The following FER variants were observed in gnomAD, a reference collection of about 807,000 sequenced individuals.
FER encodes FER tyrosine kinase.
In FER, 63 loss-of-function variants were observed where a neutral mutation model predicts 111.0. That is an observed-to-expected ratio of 0.57 (90% CI 0.46 to 0.70). The LOEUF (loss-of-function observed/expected upper bound fraction) is 0.70, where lower values mean the gene tolerates loss of function less well. FER is among the 30% of genes least tolerant of loss of function. FER has a pLI of 0.00. For synonymous variants in FER, 327 were observed against 313.9 expected, an observed-to-expected ratio of 1.04 and a Z score of -0.44; for missense variants, 914 against 954.0, an observed-to-expected ratio of 0.96 and a Z score of 0.55.
intron 13 of FER, among the ~76,000 whole-genome samples, chr5:108,963,480 T>C (rs1378454974): frequency 1.3e-5 from 2 of 152,042 alleles, no homozygotes; most frequent in African/African-American, 4.8e-5. Context: ...GAGAATCACT[T>C]GAATCTGGGA....
At chr5:109,052,547 A>G (rs1453185545) in intron 16 of FER, 1 of 672,576 alleles carries the variant, frequency 1.5e-6, no homozygotes, top group Admixed American at 2.4e-5. Flanking sequence ...TGAAAAGGCA[A>G]ATTCAGGCAC....
At chr5:109,118,946 A>G (rs571548706) in intron 17 of FER, among the ~76,000 whole-genome samples, 1 of 150,856 alleles carries the variant, frequency 6.6e-6, no homozygotes, top group Non-Finnish European at 1.5e-5. Flanking sequence ...ATCTTTTGAA[A>G]AAAAAAAACC....
chr5:109,125,041 G>A (rs144687008), intron 17 of FER, among the ~76,000 whole-genome samples: 1,066 of 105,868 alleles, frequency 0.01, 23 homozygotes, highest in African/African-American at 0.038. Flanking sequence ...GTGAGACTCT[G>A]TCTCAAAAAA....
intron 13 of FER, among the ~76,000 whole-genome samples, chr5:109,017,397 G>C (rs764915735): frequency 2.8e-4 from 42 of 151,882 alleles, no homozygotes; most frequent in Non-Finnish European, 4.7e-4. Context: ...AATTGCTTTG[G>C]ATTGTTTTGA....
intron 13 of FER, among the ~76,000 whole-genome samples, chr5:109,021,120 C>T (rs913683707): frequency 6.6e-6 from 1 of 152,094 alleles, no homozygotes; most frequent in Non-Finnish European, 1.5e-5. Flanking sequence ...TGCACACCCA[C>T]CTCATGATCA....
chr5:108,752,496 A>G (rs1174212590), intron 1 of FER, among the ~76,000 whole-genome samples: 4 of 152,044 alleles, frequency 2.6e-5, no homozygotes, highest in African/African-American at 4.8e-5. Context: ...GAGGGCTCCT[A>G]GATCTGGGGG....
intron 17 of FER, among the ~76,000 whole-genome samples, chr5:109,143,779 A>G (rs1018417485): frequency 2.0e-5 from 3 of 151,376 alleles, no homozygotes; most frequent in African/African-American, 2.4e-5. Context: ...GGCTCAAGCT[A>G]TCCTCCCACT....
chr5:109,161,930 GTTAC>G (rs1330086410), intron 17 of FER, among the ~76,000 whole-genome samples: 2 of 152,094 alleles, frequency 1.3e-5, no homozygotes, highest in African/African-American at 2.4e-5. Context: ...ACTAGCATCT[GTTAC>G]TTACTTTTTA....
In FER at chr5:109,000,528, T is replaced by C. The variant is rs146607864; in HGVS notation, c.1657-36894T>C. On this transcript the variant is annotated intron_variant, in intron 13 of 19. Coordinates refer to ENST00000281092, the MANE Select transcript of FER (RefSeq NM_005246.4). The stretch of plus-strand genomic sequence containing the variant: ...AGGGTGTAGAGGGAAATTTATAGCA[T>C]GAAATGCCCACAAGAGAAAGCAGGA... Among the ~76,000 whole-genome samples the C allele has an allele frequency of 5.2e-3, 795 of 151,924 alleles. 9 individuals carry two copies. Among genetic ancestry groups the C allele is most frequent in the African/African-American group, 0.018 (757 of 41,452 alleles).
chr5:108,931,581 C>A (rs1412435776), intron 10 of FER, among the ~76,000 whole-genome samples: 1 of 152,068 alleles, frequency 6.6e-6, no homozygotes, highest in Non-Finnish European at 1.5e-5. Context: ...TGGCTCTTTT[C>A]TTGAGATGTG....
Position 109,190,140 on chromosome 5 carries a change from A to C in FER, c.*2565A>C, listed in dbSNP as rs771795924. On this transcript the variant is annotated 3_prime_UTR_variant, in exon 20 of 20. Transcript: ENST00000281092. ...AATTTATTCATCCCTTCTGTCACTG[A>C]TAATTAATTATTGGAATTATATACT... 2 of 152,168 alleles carry C rather than the reference A, an allele frequency of 1.3e-5. No individual in the cohort carries two copies. Among genetic ancestry groups the C allele is most frequent in the Admixed American group, 1.3e-4 (2 of 15,270 alleles). 9.4% of individuals were successfully genotyped at this position (152,168 alleles called of 1,614,324 possible).
At chr5:109,136,130 C>T (rs1582196089) in intron 17 of FER, among the ~76,000 whole-genome samples, 1 of 151,824 alleles carries the variant, frequency 6.6e-6, no homozygotes, top group Non-Finnish European at 1.5e-5. Flanking sequence ...GTGGCACTCA[C>T]CTGTAATCCC....
rs1439629518 is a variant in FER, at chr5:109,187,623, G to A, written c.*48G>A. The A allele has an allele frequency of 6.2e-7, 1 of 1,604,274 alleles. No individual in the cohort carries two copies. The highest frequency in any genetic ancestry group is 1.7e-5 in the Admixed American group (1 of 58,950). On this transcript the variant is annotated 3_prime_UTR_variant, in exon 20 of 20. Transcript: ENST00000281092. ...GCCTTCAGGACTCTGTCCTCCAGCAGAGTAACATTATTGTTCTCATTAACA... is the reference window on the plus strand; with the variant it reads ...GCCTTCAGGACTCTGTCCTCCAGCAAAGTAACATTATTGTTCTCATTAACA...
At chr5:108,975,740 T>A (rs866557334) in intron 13 of FER, among the ~76,000 whole-genome samples, 50 of 152,124 alleles carry the variant, frequency 3.3e-4, no homozygotes, top group African/African-American at 1.2e-3. Context: ...GATTAGGTAT[T>A]TGTGGGGGTG....
chr5:109,067,193 C>CA (rs1446670326), intron 16 of FER, among the ~76,000 whole-genome samples: 1 of 152,036 alleles, frequency 6.6e-6, no homozygotes, highest in East Asian at 1.9e-4. Flanking sequence ...ATTTGCCATA[C>CA]AGTCAGTCGT....
At chr5:109,121,648 G>C (rs1469179114) in intron 17 of FER, among the ~76,000 whole-genome samples, 1 of 151,896 alleles carries the variant, frequency 6.6e-6, no homozygotes. Flanking sequence ...TATTTTTGGG[G>C]GGCAGGAATA....
intron 17 of FER, among the ~76,000 whole-genome samples, chr5:109,123,666 C>T (rs1432655198): frequency 1.3e-5 from 2 of 152,112 alleles, no homozygotes; most frequent in East Asian, 3.9e-4. Context: ...AAAGAGAAAA[C>T]TAATAAAGAT....
At chr5:108,906,934 G>A (rs1750862653) in intron 10 of FER, among the ~76,000 whole-genome samples, 1 of 151,940 alleles carries the variant, frequency 6.6e-6, no homozygotes, top group Non-Finnish European at 1.5e-5. Context: ...TCTCAGTATT[G>A]TTCAAAGTCT....
chr5:109,134,079 A>G (rs1347313453), intron 17 of FER, among the ~76,000 whole-genome samples: 1 of 152,140 alleles, frequency 6.6e-6, no homozygotes, highest in Non-Finnish European at 1.5e-5. Context: ...TAAGTATCTT[A>G]TTTCTCTTAC....
Sources: allele counts gnomAD v4.1 joint callset (sites outside exome capture counted in the v4.1 genomes callset), GRCh38; gene constraint gnomAD v4.1.1; transcripts MANE v1.5; gene names NCBI Gene and HGNC (gene_info 2026-07-23, HGNC 2026-07-21).